Variants in SHQ1 observed in about 807,000 individuals in gnomAD.
SHQ1 encodes the protein protein SHQ1 homolog.
Under a neutral mutation model 53.8 loss-of-function variants are expected in SHQ1, and 49 were observed. The observed-to-expected ratio is 0.91, with a 90% CI of 0.72 to 1.16. The LOEUF is 1.16. Ranked by LOEUF, SHQ1 falls within the 50% of genes most tolerant of loss-of-function variation. SHQ1 has a pLI of 0.00. For synonymous variants in SHQ1, 243 were observed against 251.0 expected, an observed-to-expected ratio of 0.97 and a Z score of 0.30; for missense variants, 738 against 683.1, an observed-to-expected ratio of 1.08 and a Z score of -0.90.
chr3:72,744,474 C>G (rs1416492429), downstream of SHQ1, among the ~76,000 whole-genome samples: 1 of 152,182 alleles, frequency 6.6e-6, no homozygotes, highest in East Asian at 1.9e-4. Flanking sequence ...AAGCAGTCTT[C>G]CTTATCTAAG....
intron 9 of SHQ1, among the ~76,000 whole-genome samples, chr3:72,809,141 C>T (rs1707042671): frequency 6.6e-6 from 1 of 152,028 alleles, no homozygotes; most frequent in Non-Finnish European, 1.5e-5. Flanking sequence ...AGAAGCAGGA[C>T]AGAGCAACAT....
the SHQ1 span, among the ~76,000 whole-genome samples, chr3:72,731,853 A>G: frequency 6.6e-6 from 1 of 151,454 alleles, no homozygotes; most frequent in Non-Finnish European, 1.5e-5. Context: ...CTCCCAGAGC[A>G]TCCACTACCA....
At chr3:72,730,992 T>C in the SHQ1 span, among the ~76,000 whole-genome samples, 33,421 of 139,488 alleles carry the variant, frequency 0.24, 4,048 homozygotes, top group Non-Finnish European at 0.26. Flanking sequence ...TGACTAGGCT[T>C]GAGACACCTG....
rs1327703320 is a variant in SHQ1, at chr3:72,750,562, C to T, written c.1456G>A (p.Glu486Lys). 6.2e-7 allele frequency: 1 copy of T among 1,614,104 alleles called. No individual in the cohort carries two copies. The highest frequency in any genetic ancestry group is 8.5e-7 in the Non-Finnish European group (1 of 1,180,044). ...GGACCTTGCAAAGAACTGACTGTCT[C>T]AGATGGACTATCTTTGAGTTCATCT... The part of the protein sequence containing the change: ...EQDELKDSPS[E>K]TVSSLQGPFL... Residue 486 changes from glutamate (E) to lysine (K), a missense_variant, in exon 11 of 11, where the codon GAG becomes AAG. By Grantham distance (56) the Glu-to-Lys change is moderately conservative (BLOSUM62 1). Coordinates refer to ENST00000325599, the MANE Select transcript of SHQ1 (RefSeq NM_018130.3).
chr3:72,847,207 G>T (rs1267513615), intron 1 of SHQ1, among the ~76,000 whole-genome samples: 2 of 152,138 alleles, frequency 1.3e-5, no homozygotes, highest in Non-Finnish European at 2.9e-5. Flanking sequence ...AAATACGGAC[G>T]TTATATGGTC....
At chr3:72,744,502 G>A (rs1256690441), downstream of SHQ1, among the ~76,000 whole-genome samples, 2 of 152,064 alleles carry the variant, frequency 1.3e-5, no homozygotes, top group Non-Finnish European at 2.9e-5. Context: ...TGGCCTCCCC[G>A]GAGAGCTCAA....
chr3:72,773,100 C>T (rs1705889715), intron 10 of SHQ1: 3 of 787,904 alleles, frequency 3.8e-6, no homozygotes, highest in Non-Finnish European at 6.8e-6. Context: ...AAAAACAGGC[C>T]AAACTTCGTG....
chr3:72,839,215 A>C (rs191269684), intron 4 of SHQ1, among the ~76,000 whole-genome samples: 83 of 152,346 alleles, frequency 5.4e-4, no homozygotes, highest in Non-Finnish European at 1.1e-3. Context: ...ACAGCGTTAG[A>C]TTGGCAAGCC....
chr3:72,838,628 T>C (rs924795653), intron 4 of SHQ1, among the ~76,000 whole-genome samples: 7 of 152,200 alleles, frequency 4.6e-5, no homozygotes, highest in Admixed American at 2.6e-4. Context: ...GCCTCCAAAA[T>C]GGCTGGGATT....
intron 9 of SHQ1, among the ~76,000 whole-genome samples, chr3:72,797,247 C>T (rs756245048): frequency 6.6e-6 from 1 of 151,724 alleles, no homozygotes; most frequent in African/African-American, 2.4e-5. Flanking sequence ...GACTTGAGAG[C>T]GAGACTCCAT....
chr3:72,745,984 G>A (rs907432488), downstream of SHQ1, among the ~76,000 whole-genome samples: 1 of 151,946 alleles, frequency 6.6e-6, no homozygotes, highest in Non-Finnish European at 1.5e-5. Context: ...GGGATTACAC[G>A]GGCCCGCCAC....
chr3:72,746,917 A>G (rs1041235409), downstream of SHQ1, among the ~76,000 whole-genome samples: 3 of 152,260 alleles, frequency 2.0e-5, no homozygotes, highest in Non-Finnish European at 4.4e-5. Context: ...TTCAATGGTC[A>G]TAAGGATTTG....
At chr3:72,831,698 C>T (rs772868663) in intron 5 of SHQ1, among the ~76,000 whole-genome samples, 10 of 152,228 alleles carry the variant, frequency 6.6e-5, no homozygotes, top group Non-Finnish European at 1.5e-4. Flanking sequence ...GGAAGAAATG[C>T]TGCTATCCTG....
Position 72,817,309 on chromosome 3 carries a change from C to T in SHQ1, c.803G>A (p.Cys268Tyr), listed in dbSNP as rs1477210163. ...AATCAAACTGTAGCACACTTGACGA[C>T]AGGCTCTCTTGTCCAGCAGATAAGA... ...NKSYLLDKRA[C>Y]RQVCYSLIDI... The change falls in exon 7 of 11, where the codon TGT (cysteine) becomes TAT (tyrosine). Residue 268 changes from cysteine (C) to tyrosine (Y), a missense_variant. Cys to Tyr is a radical substitution (Grantham distance 194, BLOSUM62 -2). Coordinates refer to ENST00000325599, the MANE Select transcript of SHQ1 (RefSeq NM_018130.3). 6.2e-7 allele frequency: 1 copy of T among 1,613,930 alleles called. No homozygotes were observed. The highest frequency in any genetic ancestry group is 8.5e-7 in the Non-Finnish European group (1 of 1,179,826).
intron 10 of SHQ1, among the ~76,000 whole-genome samples, chr3:72,763,068 G>GAA (rs1705647569): frequency 6.6e-6 from 1 of 150,486 alleles, no homozygotes; most frequent in African/African-American, 2.5e-5. Flanking sequence ...CACACAGAGA[G>GAA]AGAGAGAGAG....
chr3:72,792,721 G>T (rs910345648), intron 10 of SHQ1, among the ~76,000 whole-genome samples, 195 bp downstream of exon 10: 46 of 143,060 alleles, frequency 3.2e-4, no homozygotes, highest in African/African-American at 1.1e-3. Context: ...GGAGACGGAG[G>T]TTGCAGTAGC....
chr3:72,837,559 A>G (rs1224056182), intron 4 of SHQ1, among the ~76,000 whole-genome samples: 3 of 152,254 alleles, frequency 2.0e-5, no homozygotes, highest in Non-Finnish European at 4.4e-5. Flanking sequence ...AAAAATACTC[A>G]TATGAGTAGT....
rs150816203 is a variant in SHQ1, at chr3:72,835,744, A to G, written c.487-3263T>C. ...GCCACTCACTATTCTTTCCATTTCT[A>G]GATAACGTCAATCAATTCCAATCCT... On this transcript the variant is annotated intron_variant, in intron 4 of 10. Transcript: ENST00000325599. Among the ~76,000 whole-genome samples the G allele has an allele frequency of 3.1e-3, 474 of 152,264 alleles. 6 individuals are homozygous for G. Among genetic ancestry groups the G allele is most frequent in the African/African-American group, 0.011 (446 of 41,544 alleles).
chr3:72,824,375 A>G, intron 6 of SHQ1, 49 bp downstream of exon 6: 1 of 1,603,138 alleles, frequency 6.2e-7, no homozygotes. Flanking sequence ...AACGTGGTAC[A>G]CCATGAGATT....
Sources: allele counts gnomAD v4.1 joint callset (sites outside exome capture counted in the v4.1 genomes callset), GRCh38; gene constraint gnomAD v4.1.1; transcripts MANE v1.5; gene names NCBI Gene and HGNC (gene_info 2026-07-23, HGNC 2026-07-21).